Variants in SH3TC2 observed in about 807,000 individuals in gnomAD.
SH3TC2 encodes SH3 domain and tetratricopeptide repeat-containing protein 2.
In SH3TC2, 87 loss-of-function variants were observed where a neutral mutation model predicts 124.5. The observed-to-expected ratio is 0.70, with a 90% CI of 0.59 to 0.84. SH3TC2 has a LOEUF of 0.84. Among genes scored for constraint, SH3TC2 ranks in the 40% least tolerant of loss-of-function variants. The pLI is 0.00. For synonymous variants in SH3TC2, 634 were observed against 628.5 expected (o/e 1.01, Z -0.13); for missense variants, 1,536 against 1,566.4 (o/e 0.98, Z 0.33).
At chr5:149,037,519 T>C (rs552351975) in intron 8 of SH3TC2, among the ~76,000 whole-genome samples, 49 of 152,356 alleles carry the variant, frequency 3.2e-4, no homozygotes, top group Middle Eastern at 6.8e-3. Context: ...TTTAAGTCTC[T>C]GTTCAGATCG....
At position 148,993,923 on chromosome 5, in the gene SH3TC2, G is replaced by A. The variant is rs151060312; in HGVS notation, c.*10788C>T. Among the ~76,000 whole-genome samples, 1 of 152,182 alleles carries A rather than the reference G, an allele frequency of 6.6e-6. No individual in the cohort carries two copies. Among genetic ancestry groups the A allele is most frequent in the Non-Finnish European group, 1.5e-5 (1 of 67,998 alleles). On this transcript the variant is annotated 3_prime_UTR_variant, in exon 17 of 17. Transcript: ENST00000515425. ...GCCAACACTTATATAACATGGGCCAGGCACTTTACATATATTCACACATTT... is the reference window on the plus strand; with the variant it reads ...GCCAACACTTATATAACATGGGCCAAGCACTTTACATATATTCACACATTT...
Position 148,991,057 on chromosome 5 carries a change from A to G in SH3TC2, c.*13654T>C, listed in dbSNP as rs1402103221. ...GATCACTTGTTGAACATCTGTTGAC[A>G]CTTTCCAGGGGACTTTCAAAACCCC... On this transcript the variant is annotated 3_prime_UTR_variant, in exon 17 of 17. Coordinates refer to ENST00000515425, the MANE Select transcript of SH3TC2 (RefSeq NM_024577.4). 6.6e-6 allele frequency among the ~76,000 whole-genome samples: 1 copy of G among 152,156 alleles called. No individual in the cohort carries two copies. Among genetic ancestry groups the G allele is most frequent in the Non-Finnish European group, 1.5e-5 (1 of 68,038 alleles).
chr5:149,042,974 A>G (rs1262654658), intron 4 of SH3TC2, 137 bp from the exon 5 acceptor site: 2 of 985,926 alleles, frequency 2.0e-6, no homozygotes, highest in African/African-American at 3.2e-5. Flanking sequence ...TGGAATTAAA[A>G]CAACATAAGA....
intron 1 of SH3TC2, among the ~76,000 whole-genome samples, chr5:149,058,515 T>C (rs1030503087): frequency 5.9e-5 from 9 of 152,206 alleles, no homozygotes; most frequent in African/African-American, 2.2e-4. Flanking sequence ...CATTCCAACA[T>C]TTTGCAATTG....
rs763394102 is a variant in SH3TC2 at position 149,012,578 on chromosome 5, G to A, written c.3204+6C>T. 3.7e-6 allele frequency: 6 copies of A among 1,614,112 alleles called. No homozygotes were observed. The highest frequency in any genetic ancestry group is 1.1e-5 in the South Asian group (1 of 91,070). On this transcript the variant is annotated splice_donor_region_variant and intron_variant, in intron 13 of 16. Coordinates refer to ENST00000515425, the MANE Select transcript of SH3TC2 (RefSeq NM_024577.4). ...CAACTCCCAGAGAGCTCTGCAGGAG[G>A]CCTACCTGCAGGCACAGCTCCACCA...
At chr5:149,044,447 G>T in intron 4 of SH3TC2, 86 bp downstream of exon 4, 1 of 1,020,886 alleles carries the variant, frequency 9.8e-7, no homozygotes, top group Non-Finnish European at 1.5e-6. Flanking sequence ...AATTACCAGA[G>T]CCAGGCCAAT....
In SH3TC2 at chr5:149,003,972, T is replaced by TG; in HGVS notation, c.*738_*739insC. 3.7e-6 allele frequency: 1 copy of TG among 267,018 alleles called. No homozygotes were observed. Among genetic ancestry groups the TG allele is most frequent in the South Asian group, 3.4e-5 (1 of 29,380 alleles). The allele number at this position is 267,018 out of a possible 1,614,324, so 16.5% of individuals were successfully genotyped here. On this transcript the variant is annotated 3_prime_UTR_variant, in exon 17 of 17. Transcript: ENST00000515425. ...GTGTGTAAATGTAACTGGACAATAT[T>TG]TAATCATATACACTATTTACATGTA...
chr5:149,018,646 T>C (rs986009544), intron 12 of SH3TC2, among the ~76,000 whole-genome samples: 9 of 152,164 alleles, frequency 5.9e-5, no homozygotes, highest in African/African-American at 2.2e-4. Flanking sequence ...CCACAACACA[T>C]GGGAATTATG....
At position 148,990,813 on chromosome 5, in the gene SH3TC2, G is replaced by A. The variant is rs982237604; in HGVS notation, c.*13898C>T. On this transcript the variant is annotated 3_prime_UTR_variant, in exon 17 of 17. Coordinates refer to ENST00000515425, the MANE Select transcript of SH3TC2 (RefSeq NM_024577.4). ...AATAGCAATTATATATTAAATATTT[G>A]CAATAAGCAAGGCCCTGAGTTAAGT... Among the ~76,000 whole-genome samples the A allele has an allele frequency of 1.3e-5, 2 of 152,108 alleles. No homozygotes were observed. The highest frequency in any genetic ancestry group is 2.9e-5 in the Non-Finnish European group (2 of 68,014).
intron 5 of SH3TC2, among the ~76,000 whole-genome samples, chr5:149,042,123 C>A (rs1206494442): frequency 1.3e-5 from 2 of 152,122 alleles, no homozygotes; most frequent in East Asian, 3.9e-4. Flanking sequence ...GCAAATCTGG[C>A]TCTTTCCACG....
chr5:149,004,804 G>A lies in SH3TC2; in HGVS notation c.3774C>T (p.Asp1258=). 1 of 1,614,112 alleles carries A rather than the reference G, an allele frequency of 6.2e-7. No homozygotes were observed. The highest frequency in any genetic ancestry group is 8.5e-7 in the Non-Finnish European group (1 of 1,180,016). The change falls in exon 17 of 17, where the codon GAC becomes GAT. Residue 1258 remains aspartate, a synonymous_variant. Coordinates refer to ENST00000515425, the MANE Select transcript of SH3TC2 (RefSeq NM_024577.4). ...GCCACAGGGGGCTCTGGCAGATGTT[G>A]TCCAGCCTGCTCCTAATGGTGTCCT... ...ELQDTIRSRL[D]NICQSPLWHS...
At position 149,047,887 on chromosome 5, in the gene SH3TC2, TC is replaced by T. The variant is rs1580914356; in HGVS notation, c.253del (p.Asp85ThrfsTer44). The T allele has an allele frequency of 6.2e-7, 1 of 1,614,160 alleles. No homozygotes were observed. Among genetic ancestry groups the T allele is most frequent in the Non-Finnish European group, 8.5e-7 (1 of 1,180,018 alleles). ...RRRLWALENE[D>X]QEVRMLFKDL... ...CTTAAACAGCATGCGCACCTCCTGG[TC>T]CTCATTCTCCAGTGCCCAGAGCCGC... On this transcript the variant is annotated frameshift_variant, in exon 3 of 17. Transcript: ENST00000515425. LOFTEE classifies it high-confidence loss of function.
intron 15 of SH3TC2, 183 bp downstream of exon 15, chr5:149,008,668 T>C (rs1399140697): frequency 2.7e-6 from 2 of 750,340 alleles, no homozygotes; most frequent in Non-Finnish European, 2.2e-6. Context: ...CCTGATTTGG[T>C]GATGACAAGC....
rs1753367644 is a variant in SH3TC2 at position 148,988,365 on chromosome 5, T to A, written c.*16346A>T. On this transcript the variant is annotated 3_prime_UTR_variant, in exon 17 of 17. Coordinates refer to ENST00000515425, the MANE Select transcript of SH3TC2 (RefSeq NM_024577.4). ...GCTTCCCAGTGCTCATGCCATTGAG[T>A]AATCCCCTCCTATACCAGCTCTAGG... Among the ~76,000 whole-genome samples, 1 of 152,164 alleles carries A rather than the reference T, an allele frequency of 6.6e-6. No homozygotes were observed. Among genetic ancestry groups the A allele is most frequent in the Non-Finnish European group, 1.5e-5 (1 of 68,024 alleles).
chr5:149,026,425 G>T, intron 12 of SH3TC2, 147 bp downstream of exon 12: 1 of 861,334 alleles, frequency 1.2e-6, no homozygotes, highest in Non-Finnish European at 1.9e-6. Flanking sequence ...AGTGATGGAT[G>T]CATTGTGGTG....
rs1233598157 is a variant in SH3TC2 at position 149,038,401 on chromosome 5, C to T, written c.895G>A (p.Gly299Ser). ...CACTGAAGCCCAGGTATGACAAAGC[C>T]GATGATCTCAATGCTTTCTCCCTGG... is the stretch of plus-strand genomic sequence containing the variant. Reference protein sequence around the residue: ...FYQGESIEIIGFVIPGLQWFI... With the variant: ...FYQGESIEIISFVIPGLQWFI... Residue 299 changes from glycine to serine, a missense_variant, in exon 8 of 17, where the codon GGC becomes AGC. Around this residue, in one of 3 missense-constraint regions of SH3TC2, gnomAD observed 1,102 missense variants for 1,098.6 expected, o/e 1.00. Transcript: ENST00000515425. 9 of 1,614,172 alleles carry T rather than the reference C, an allele frequency of 5.6e-6. No homozygotes were observed. Among genetic ancestry groups the T allele is most frequent in the Admixed American group, 1.7e-5 (1 of 60,030 alleles).
At chr5:149,032,908 G>A (rs1754221297) in intron 8 of SH3TC2, among the ~76,000 whole-genome samples, 1 of 152,130 alleles carries the variant, frequency 6.6e-6, no homozygotes, top group Non-Finnish European at 1.5e-5. Context: ...CAACACCACG[G>A]AAGCTTCTAA....
intron 16 of SH3TC2, 71 bp downstream of exon 16, chr5:149,006,810 A>C (rs1753697745): frequency 6.7e-7 from 1 of 1,485,772 alleles, no homozygotes; most frequent in Non-Finnish European, 9.4e-7. Context: ...AAGGCTCCTC[A>C]TTGTCTTTGA....
chr5:149,000,658 C>T lies in SH3TC2; in HGVS notation c.*4053G>A, dbSNP rs75780398. Among the ~76,000 whole-genome samples, 289 of 152,192 alleles carry T rather than the reference C, an allele frequency of 1.9e-3. No homozygotes were observed. The highest frequency in any genetic ancestry group is 6.7e-3 in the African/African-American group (278 of 41,520). On this transcript the variant is annotated 3_prime_UTR_variant, in exon 17 of 17. Transcript: ENST00000515425. ...GCATGCATACATACACACACGTGTA[C>T]ATATACACACACAACTGTGAAGGAA...
Sources: allele counts gnomAD v4.1 joint callset (sites outside exome capture counted in the v4.1 genomes callset), GRCh38; gene constraint gnomAD v4.1.1; regional missense constraint gnomAD v4.1.1; transcripts MANE v1.5; gene names NCBI Gene and HGNC (gene_info 2026-07-23, HGNC 2026-07-21).